The following CNTNAP2 variants were observed in gnomAD, a reference collection of about 807,000 sequenced individuals.
CNTNAP2 encodes contactin associated protein 2.
CNTNAP2 carries 98 observed loss-of-function variants against 155.2 expected under a neutral mutation model. The ratio of observed to expected loss-of-function variants is 0.63; its 90% CI spans 0.54 to 0.75. The LOEUF is 0.75. CNTNAP2 is among the 30% of genes least tolerant of loss of function. The probability of loss-of-function intolerance (pLI) is 0.00; values close to 1 mark genes in which losing one functional copy is unlikely to be tolerated. For synonymous variants in CNTNAP2, 651 were observed against 631.2 expected, an observed-to-expected ratio of 1.03 and a Z score of -0.47; for missense variants, 1,727 against 1,688.1, an observed-to-expected ratio of 1.02 and a Z score of -0.40.
At chr7:146,461,732 C>T (rs866299361) in intron 1 of CNTNAP2, among the ~76,000 whole-genome samples, 1 of 152,062 alleles carries the variant, frequency 6.6e-6, no homozygotes, top group Non-Finnish European at 1.5e-5. Context: ...GATTCAGTAC[C>T]TGTCTAAATT....
At chr7:146,590,666 A>G (rs1391107732) in intron 1 of CNTNAP2, among the ~76,000 whole-genome samples, 2 of 152,150 alleles carry the variant, frequency 1.3e-5, no homozygotes, top group African/African-American at 4.8e-5. Context: ...ACACAGATGC[A>G]CAACACACCA....
chr7:146,821,569 T>G (rs1260053295), intron 2 of CNTNAP2, among the ~76,000 whole-genome samples: 1 of 151,990 alleles, frequency 6.6e-6, no homozygotes, highest in East Asian at 1.9e-4. Context: ...CGCAACCTAC[T>G]CATCTGACAA....
At chr7:147,676,094 CTTCAATTTCTATAGAGTTCTTCTT>C (rs929664542) in intron 13 of CNTNAP2, among the ~76,000 whole-genome samples, 1 of 135,216 alleles carries the variant, frequency 7.4e-6, no homozygotes, top group African/African-American at 3.0e-5. Context: ...ATTCCATTGA[CTTCAATTTCTATAGAGTTCTTCTT>C]TCCTTTTATG....
intron 1 of CNTNAP2, among the ~76,000 whole-genome samples, chr7:146,353,717 T>A (rs1794955924): frequency 6.6e-6 from 1 of 152,096 alleles, no homozygotes; most frequent in Non-Finnish European, 1.5e-5. Context: ...TATATATCCA[T>A]ACACCTGACA....
intron 8 of CNTNAP2, among the ~76,000 whole-genome samples, chr7:147,199,835 GAA>G (rs34551567): frequency 2.0e-5 from 3 of 149,680 alleles, no homozygotes; most frequent in South Asian, 2.1e-4. Flanking sequence ...CTTTTCTTTT[GAA>G]AAAAAAAAAT....
intron 1 of CNTNAP2, among the ~76,000 whole-genome samples, chr7:146,622,298 A>C (rs2129156713): frequency 7.0e-6 from 1 of 142,638 alleles, no homozygotes; most frequent in African/African-American, 2.6e-5. Flanking sequence ...TATATGTTTT[A>C]GCTTGTATAT....
chr7:146,577,811 T>A (rs1028598382), intron 1 of CNTNAP2, among the ~76,000 whole-genome samples: 2 of 152,102 alleles, frequency 1.3e-5, no homozygotes, highest in African/African-American at 4.8e-5. Flanking sequence ...TTGATGGCTT[T>A]TGAAAAGTGA....
At chr7:146,140,520 T>C (rs1445175661) in intron 1 of CNTNAP2, among the ~76,000 whole-genome samples, 1 of 152,168 alleles carries the variant, frequency 6.6e-6, no homozygotes, top group Non-Finnish European at 1.5e-5. Flanking sequence ...TATATTCTCA[T>C]ATATTAATTC....
At chr7:146,997,382 C>A (rs180897206) in intron 3 of CNTNAP2, among the ~76,000 whole-genome samples, 1 of 152,036 alleles carries the variant, frequency 6.6e-6, no homozygotes, top group Admixed American at 6.6e-5. Flanking sequence ...TTTATTAATT[C>A]GCATATGGTA....
chr7:148,317,370 C>A (rs1045989643), intron 21 of CNTNAP2, among the ~76,000 whole-genome samples: 2 of 150,832 alleles, frequency 1.3e-5, no homozygotes, highest in Non-Finnish European at 3.0e-5. Flanking sequence ...AAAAAAAATT[C>A]ATGGTATTAT....
intron 13 of CNTNAP2, among the ~76,000 whole-genome samples, chr7:147,681,307 C>A (rs1469253124): frequency 6.6e-6 from 1 of 151,958 alleles, no homozygotes; most frequent in African/African-American, 2.4e-5. Context: ...ATGGTGCCGT[C>A]CTTTAGTACT....
intron 3 of CNTNAP2, among the ~76,000 whole-genome samples, chr7:146,979,536 G>T (rs1431474547): frequency 6.6e-6 from 1 of 152,072 alleles, no homozygotes; most frequent in African/African-American, 2.4e-5. Flanking sequence ...CACAGCCTTT[G>T]TGTCTGTAAT....
chr7:147,416,281 C>T (rs535429751), intron 10 of CNTNAP2, among the ~76,000 whole-genome samples: 7 of 152,164 alleles, frequency 4.6e-5, no homozygotes, highest in Admixed American at 2.0e-4. Context: ...GAAACTCATG[C>T]GTGATCATGA....
chr7:147,803,081 G>A (rs1798033890), intron 13 of CNTNAP2, among the ~76,000 whole-genome samples: 1 of 152,068 alleles, frequency 6.6e-6, no homozygotes, highest in African/African-American at 2.4e-5. Context: ...TGGCTTTAGA[G>A]GAAAAGTACT....
Position 146,425,339 on chromosome 7 carries a change from A to G in CNTNAP2, c.97+308366A>G, listed in dbSNP as rs191187760. 1.9e-3 allele frequency among the ~76,000 whole-genome samples: 295 copies of G among 152,308 alleles called. 1 individual carries two copies. The highest frequency in any genetic ancestry group is 5.6e-3 in the Admixed American group (85 of 15,292). ...AGTCCCCATTACCTGAACTGTTGCC[A>G]TAAAGCTCCTAGGAAAGTAGAAAAT... is the stretch of plus-strand genomic sequence containing the variant. On this transcript the variant is annotated intron_variant, in intron 1 of 23. Transcript: ENST00000361727.
At chr7:146,982,398 G>T (rs1332354301) in intron 3 of CNTNAP2, among the ~76,000 whole-genome samples, 3 of 152,100 alleles carry the variant, frequency 2.0e-5, no homozygotes, top group East Asian at 1.9e-4. Context: ...AGTTTTTGTT[G>T]TTACTTACAC....
At chr7:147,008,571 G>T (rs1798566224) in intron 3 of CNTNAP2, among the ~76,000 whole-genome samples, 1 of 152,038 alleles carries the variant, frequency 6.6e-6, no homozygotes. Flanking sequence ...AAAAACAGGA[G>T]TTTTTTAAGA....
At chr7:147,152,195 C>T (rs539613033) in intron 8 of CNTNAP2, among the ~76,000 whole-genome samples, 1 of 151,958 alleles carries the variant, frequency 6.6e-6, no homozygotes, top group South Asian at 2.1e-4. Context: ...ATTATCTAGT[C>T]GTATTCAAAA....
intron 1 of CNTNAP2, among the ~76,000 whole-genome samples, chr7:146,365,728 TAATC>T (rs1290800474): frequency 6.6e-6 from 1 of 152,224 alleles, no homozygotes; most frequent in East Asian, 1.9e-4. Flanking sequence ...TTCTTTAAAT[TAATC>T]ACGTGGTCAA....
Sources: gnomAD v4.1 joint callset for allele counts (sites outside exome capture counted in the v4.1 genomes callset) on GRCh38, gnomAD v4.1.1 for gene constraint, MANE v1.5 for transcripts, NCBI Gene and HGNC (gene_info 2026-07-23, HGNC 2026-07-21) for gene names.